The following DLGAP2 variants were observed in gnomAD, a reference collection of about 807,000 sequenced individuals.
DLGAP2 encodes disks large-associated protein 2.
A neutral mutation model predicts 100.3 loss-of-function variants in DLGAP2; 26 were observed. The observed-to-expected ratio is 0.26, with a 90% CI of 0.19 to 0.36. DLGAP2 has a LOEUF of 0.36. Among genes scored for constraint, DLGAP2 ranks in the 10% least tolerant of loss-of-function variants. The pLI, the probability that DLGAP2 is intolerant of heterozygous loss-of-function variation, is 1.00. For missense variants in DLGAP2, 1,858 were observed against 1,453.2 expected (o/e 1.28, Z -4.53); for synonymous variants, 886 against 630.1 (o/e 1.41, Z -6.08).
chr8:1,706,156 G>C lies in DLGAP2; in HGVS notation c.*4750G>C, dbSNP rs1334923391. Reference sequence around the variant, plus strand: ...GAATGTCCCCCAGTGCAGGGTGGCAGCAGAATGTTCTGGAAATGAAGGAGA... The same window carrying C: ...GAATGTCCCCCAGTGCAGGGTGGCACCAGAATGTTCTGGAAATGAAGGAGA... On this transcript the variant is annotated 3_prime_UTR_variant, in exon 15 of 15. Coordinates refer to ENST00000637795, the MANE Select transcript of DLGAP2 (RefSeq NM_001346810.2). The C allele has an allele frequency of 6.6e-6, 1 of 152,244 alleles. No homozygotes were observed. The highest frequency in any genetic ancestry group is 1.9e-4 in the East Asian group (1 of 5,196). The allele number at this position is 152,244 out of a possible 1,614,324, so 9.4% of individuals were successfully genotyped here. A position where few individuals can be genotyped will look rare whatever the true frequency, so the allele number is the denominator to read the frequency against.
At chr8:1,001,306 C>T (rs114930645) in intron 2 of DLGAP2, among the ~76,000 whole-genome samples, 3,075 of 152,230 alleles carry the variant, frequency 0.02, 99 homozygotes, top group African/African-American at 0.07. Flanking sequence ...ATCATTTTAT[C>T]GAGAAGTCTG....
At chr8:1,312,652 G>A (rs1359449964) in intron 3 of DLGAP2, among the ~76,000 whole-genome samples, 2 of 152,104 alleles carry the variant, frequency 1.3e-5, no homozygotes, top group East Asian at 3.9e-4. Context: ...TAAAATGAGT[G>A]AAATGGCAAA....
intron 3 of DLGAP2, among the ~76,000 whole-genome samples, chr8:1,489,473 C>T (rs963473477): frequency 2.4e-4 from 36 of 152,196 alleles, no homozygotes; most frequent in African/African-American, 8.4e-4. Context: ...GGAAGCTGTA[C>T]GTCTTTACCA....
At chr8:1,452,503 G>A (rs149765306) in intron 3 of DLGAP2, among the ~76,000 whole-genome samples, 199 of 152,356 alleles carry the variant, frequency 1.3e-3, no homozygotes, top group Non-Finnish European at 2.3e-3. Context: ...TAGGATGCCC[G>A]ATGCTTCTGA....
intron 1 of DLGAP2, among the ~76,000 whole-genome samples, chr8:818,798 A>G (rs1192481419): frequency 6.6e-6 from 1 of 152,256 alleles, no homozygotes; most frequent in Non-Finnish European, 1.5e-5. Flanking sequence ...AAGTTAGAAG[A>G]AATAGAAGAT....
intron 2 of DLGAP2, among the ~76,000 whole-genome samples, chr8:1,023,097 C>T (rs1030690171): frequency 6.6e-6 from 1 of 152,202 alleles, no homozygotes; most frequent in Non-Finnish European, 1.5e-5. Context: ...AAGATGGTGA[C>T]CTTTTCTCCC....
chr8:1,424,857 G>C (rs777800533), intron 3 of DLGAP2, among the ~76,000 whole-genome samples: 1 of 152,224 alleles, frequency 6.6e-6, no homozygotes, highest in African/African-American at 2.4e-5. Flanking sequence ...GTCAGAGGGA[G>C]GCTGCCAGCA....
chr8:1,672,860 G>A (rs1205564255), intron 10 of DLGAP2, among the ~76,000 whole-genome samples: 2 of 152,230 alleles, frequency 1.3e-5, no homozygotes, highest in African/African-American at 4.8e-5. Flanking sequence ...CTATGTGTGA[G>A]GTGTTGAAGG....
intron 3 of DLGAP2, among the ~76,000 whole-genome samples, chr8:1,279,053 G>T (rs1315539932): frequency 6.6e-6 from 1 of 152,094 alleles, no homozygotes; most frequent in Non-Finnish European, 1.5e-5. Flanking sequence ...CACCCCAGGG[G>T]GTGTGCTTTA....
At chr8:914,253 C>T (rs1006265990) in intron 2 of DLGAP2, among the ~76,000 whole-genome samples, 1 of 152,218 alleles carries the variant, frequency 6.6e-6, no homozygotes, top group African/African-American at 2.4e-5. Flanking sequence ...TGCCCCGGAG[C>T]CTCCCCCGTG....
At chr8:979,730 A>G (rs569350377) in intron 2 of DLGAP2, among the ~76,000 whole-genome samples, 1 of 152,214 alleles carries the variant, frequency 6.6e-6, no homozygotes, top group Non-Finnish European at 1.5e-5. Context: ...TTTCAGGCAC[A>G]TGTGCCAGTC....
chr8:1,516,770 A>G (rs532165106), intron 4 of DLGAP2, among the ~76,000 whole-genome samples: 12 of 152,304 alleles, frequency 7.9e-5, no homozygotes, highest in Admixed American at 6.5e-4. Flanking sequence ...AGAGTACACG[A>G]ATGAGTGAGT....
chr8:911,016 C>T (rs1352367113), intron 2 of DLGAP2, among the ~76,000 whole-genome samples: 5 of 152,082 alleles, frequency 3.3e-5, no homozygotes, highest in Non-Finnish European at 7.4e-5. Context: ...CCCATTCCTG[C>T]TTGGAGCTGG....
rs533755330 is a variant in DLGAP2 at position 1,038,463 on chromosome 8, C to T, written c.73+130497C>T. Among the ~76,000 whole-genome samples the T allele has an allele frequency of 2.6e-5, 4 of 152,258 alleles. No individual in the cohort carries two copies. In the East Asian group the frequency reaches 7.7e-4, roughly 29 times the overall value. ...GTGGGTAAAATGATGGTGTTGGTATCCCCTGGAGCCTCTGTTCAGTACTGA... is the reference window on the plus strand; with the variant it reads ...GTGGGTAAAATGATGGTGTTGGTATTCCCTGGAGCCTCTGTTCAGTACTGA... On this transcript the variant is annotated intron_variant, in intron 2 of 14. Coordinates refer to ENST00000637795, the MANE Select transcript of DLGAP2 (RefSeq NM_001346810.2).
chr8:1,375,173 G>A (rs1802360763), intron 3 of DLGAP2, among the ~76,000 whole-genome samples: 1 of 96,188 alleles, frequency 1.0e-5, no homozygotes, highest in African/African-American at 5.8e-5. Flanking sequence ...CCTACATTTG[G>A]GTTAACGACC....
intron 3 of DLGAP2, among the ~76,000 whole-genome samples, chr8:1,434,666 G>A (rs1797564308): frequency 6.6e-6 from 1 of 152,118 alleles, no homozygotes; most frequent in Admixed American, 6.5e-5. Context: ...AGTAGAGATG[G>A]GGTGTCACTA....
At chr8:825,040 C>T (rs1271405048) in intron 1 of DLGAP2, among the ~76,000 whole-genome samples, 2 of 152,122 alleles carry the variant, frequency 1.3e-5, no homozygotes, top group African/African-American at 2.4e-5. Context: ...ACTCCAGGTG[C>T]GAGTAAGATA....
rs1452807771 is a variant in DLGAP2 at position 1,707,845 on chromosome 8, C to G, written c.*6439C>G. On this transcript the variant is annotated 3_prime_UTR_variant, in exon 15 of 15. Transcript: ENST00000637795. The stretch of plus-strand genomic sequence containing the variant: ...GAGGATGAGCAGAGTGCCAAATATT[C>G]AGCATCTGTACAAAGTCATTCACTG... The G allele has an allele frequency of 6.6e-6, 1 of 152,518 alleles. No individual in the cohort carries two copies. The highest frequency in any genetic ancestry group is 1.5e-5 in the Non-Finnish European group (1 of 68,018). The allele number at this position is 152,518 out of a possible 1,614,324, so 9.4% of individuals were successfully genotyped here.
intron 3 of DLGAP2, among the ~76,000 whole-genome samples, chr8:1,348,635 A>ATT (rs1165411521): frequency 1.7e-4 from 26 of 152,228 alleles, no homozygotes; most frequent in Non-Finnish European, 3.2e-4. Flanking sequence ...TTGAGTTCCC[A>ATT]CACAGAGCTG....
Sources: allele counts gnomAD v4.1 joint callset (sites outside exome capture counted in the v4.1 genomes callset), GRCh38; gene constraint gnomAD v4.1.1; transcripts MANE v1.5; gene names NCBI Gene and HGNC (gene_info 2026-07-23, HGNC 2026-07-21).